The following ZMYM2 variants were observed in gnomAD, a reference collection of about 807,000 sequenced individuals.
ZMYM2 encodes zinc finger MYM-type protein 2.
In ZMYM2, 56 loss-of-function variants were observed where a neutral mutation model predicts 162.8. The ratio of observed to expected loss-of-function variants is 0.34; its 90% CI spans 0.28 to 0.43. The LOEUF is 0.43. Among genes scored for constraint, ZMYM2 ranks in the 20% least tolerant of loss-of-function variants. The pLI, the probability that ZMYM2 is intolerant of heterozygous loss-of-function variation, is 1.00. For synonymous variants in ZMYM2, 510 were observed against 541.6 expected, an observed-to-expected ratio of 0.94 and a Z score of 0.81; for missense variants, 1,275 against 1,621.8, an observed-to-expected ratio of 0.79 and a Z score of 3.67.
At chr13:20,014,346 A>T (rs1298872817) in intron 6 of ZMYM2, among the ~76,000 whole-genome samples, 1 of 152,172 alleles carries the variant, frequency 6.6e-6, no homozygotes, top group African/African-American at 2.4e-5. Context: ...TGTTGGGATT[A>T]TAGGCATGAT....
At chr13:20,032,595 C>CTTTT (rs1566350627) in intron 10 of ZMYM2, among the ~76,000 whole-genome samples, 11 of 96,366 alleles carry the variant, frequency 1.1e-4, no homozygotes, top group South Asian at 3.4e-4. Context: ...GATTTTTTTT[C>CTTTT]TGTCTTTTTT....
intron 2 of ZMYM2, among the ~76,000 whole-genome samples, chr13:19,981,868 G>C (rs1957361560): frequency 7.0e-6 from 1 of 143,326 alleles, no homozygotes. Flanking sequence ...ATGTCTAAAA[G>C]CTGTGTGGAC....
At chr13:20,018,365 T>C (rs1281444085) in intron 6 of ZMYM2, among the ~76,000 whole-genome samples, 4 of 152,228 alleles carry the variant, frequency 2.6e-5, no homozygotes, top group African/African-American at 9.6e-5. Flanking sequence ...TGCCTTACTA[T>C]TTTACTGATA....
chr13:19,959,133 T>G (rs1954853577), intron 1 of ZMYM2, among the ~76,000 whole-genome samples: 1 of 134,254 alleles, frequency 7.4e-6, no homozygotes, highest in South Asian at 2.6e-4. Flanking sequence ...CCGGGAGGGC[T>G]GGGTGAGGCG....
At chr13:19,892,385 CCT>C in the ZMYM2 span, among the ~76,000 whole-genome samples, 5 of 151,994 alleles carry the variant, frequency 3.3e-5, no homozygotes, top group African/African-American at 1.2e-4. Context: ...CATTCTCCTG[CCT>C]CAGCCTCCCA....
chr13:19,914,017 A>C, the ZMYM2 span, among the ~76,000 whole-genome samples: 1 of 152,198 alleles, frequency 6.6e-6, no homozygotes, highest in African/African-American at 2.4e-5. Flanking sequence ...AGTAGGCAAA[A>C]CTTGGGACAA....
intron 14 of ZMYM2, among the ~76,000 whole-genome samples, chr13:20,057,288 T>TTTTA (rs946985383): frequency 8.6e-5 from 13 of 151,818 alleles, no homozygotes; most frequent in African/African-American, 3.1e-4. Context: ...TTATTTTTAT[T>TTTTA]TTTATTTATT....
At chr13:19,985,733 G>A (rs1949080733) in intron 2 of ZMYM2, among the ~76,000 whole-genome samples, 1 of 151,650 alleles carries the variant, frequency 6.6e-6, no homozygotes, top group South Asian at 2.1e-4. Flanking sequence ...AAATTTGGCC[G>A]GGCGTGGTGG....
chr13:19,936,700 C>G, the ZMYM2 span, among the ~76,000 whole-genome samples: 1 of 151,942 alleles, frequency 6.6e-6, no homozygotes, highest in Admixed American at 6.6e-5. Flanking sequence ...CCAGCCTGGG[C>G]AAAGAGTGAA....
chr13:19,966,282 G>C (rs1438837589), intron 2 of ZMYM2, among the ~76,000 whole-genome samples: 3 of 151,830 alleles, frequency 2.0e-5, no homozygotes, highest in African/African-American at 7.3e-5. Flanking sequence ...TTGCAGGCAT[G>C]AGCCGCCACG....
At chr13:19,903,720 C>A in the ZMYM2 span, among the ~76,000 whole-genome samples, 4 of 151,268 alleles carry the variant, frequency 2.6e-5, no homozygotes. Context: ...TGATGGCTTG[C>A]TCCTGTGGTT....
intron 2 of ZMYM2, among the ~76,000 whole-genome samples, chr13:19,985,651 G>A (rs1026775649): frequency 2.0e-5 from 3 of 150,684 alleles, no homozygotes; most frequent in Admixed American, 1.3e-4. Context: ...GCAGTGAGCC[G>A]AGATCATGCC....
chr13:20,059,367 T>C, intron 15 of ZMYM2, 80 bp from the exon 16 acceptor site: 1 of 1,493,302 alleles, frequency 6.7e-7, no homozygotes, highest in Non-Finnish European at 9.0e-7. Flanking sequence ...AAATTTTTCT[T>C]TATCAAATTA....
chr13:20,059,967 G>C (rs1428558055), intron 16 of ZMYM2, among the ~76,000 whole-genome samples: 1 of 152,142 alleles, frequency 6.6e-6, no homozygotes, highest in Non-Finnish European at 1.5e-5. Flanking sequence ...TTGGGAGATG[G>C]AGGCTGCAAT....
At chr13:19,983,399 G>C (rs1040245277) in intron 2 of ZMYM2, among the ~76,000 whole-genome samples, 3 of 152,010 alleles carry the variant, frequency 2.0e-5, no homozygotes, top group Non-Finnish European at 4.4e-5. Flanking sequence ...GCCTCCCTCG[G>C]CCTCCCAAAG....
At chr13:19,938,867 G>A in the ZMYM2 span, among the ~76,000 whole-genome samples, 161 of 151,050 alleles carry the variant, frequency 1.1e-3, no homozygotes, top group African/African-American at 3.9e-3. Context: ...TTGTTTCCTT[G>A]TTCCTACCTT....
the ZMYM2 span, among the ~76,000 whole-genome samples, chr13:19,898,328 G>C: frequency 6.6e-6 from 1 of 151,836 alleles, no homozygotes; most frequent in African/African-American, 2.4e-5. Context: ...TGCCTCCTGG[G>C]TTCACACCAT....
chr13:19,881,757 G>A, the ZMYM2 span, among the ~76,000 whole-genome samples: 2 of 152,106 alleles, frequency 1.3e-5, no homozygotes, highest in Admixed American at 1.3e-4. Context: ...GCCGAGGCAG[G>A]TGGATCACTT....
At chr13:19,920,718 A>G in the ZMYM2 span, among the ~76,000 whole-genome samples, 3 of 149,630 alleles carry the variant, frequency 2.0e-5, no homozygotes, top group African/African-American at 7.3e-5. Context: ...TAGTGTATAC[A>G]TGTCCCTTCA....
Sources: allele counts gnomAD v4.1 joint callset (sites outside exome capture counted in the v4.1 genomes callset), GRCh38; gene constraint gnomAD v4.1.1; transcripts MANE v1.5; gene names NCBI Gene and HGNC (gene_info 2026-07-23, HGNC 2026-07-21).